CALN1: variants seen among roughly 807,000 people sequenced by gnomAD.
The protein encoded by CALN1 is calcium-binding protein 8.
Under a neutral mutation model 30.6 loss-of-function variants are expected in CALN1, and 17 were observed. That is an observed-to-expected ratio of 0.56 (90% CI 0.38 to 0.83). The LOEUF (loss-of-function observed/expected upper bound fraction) is 0.83. Ranked by LOEUF, CALN1 falls within the 40% of genes least tolerant of loss-of-function variation. The probability of loss-of-function intolerance (pLI) is 0.00; values close to 1 mark genes in which losing one functional copy is unlikely to be tolerated. For missense variants in CALN1, 291 were observed against 354.9 expected, an observed-to-expected ratio of 0.82 and a Z score of 1.45; for synonymous variants, 156 against 131.4, an observed-to-expected ratio of 1.19 and a Z score of -1.28.
chr7:72,377,435 T>TTGTGTGTGTGTGTG, intron 2 of CALN1, among the ~76,000 whole-genome samples: 1 of 80,940 alleles, frequency 1.2e-5, no homozygotes, highest in Non-Finnish European at 2.7e-5. Context: ...GGCCACACTT[T>TTGTGTGTGTGTGTG]CGTGTGTGTG....
At chr7:72,190,388 T>C (rs549195334) in intron 3 of CALN1, among the ~76,000 whole-genome samples, 1 of 152,302 alleles carries the variant, frequency 6.6e-6, no homozygotes, top group African/African-American at 2.4e-5. Context: ...CTCTGCTGCA[T>C]GAACACTGAG....
At chr7:72,233,698 C>A (rs1203680161) in intron 3 of CALN1, among the ~76,000 whole-genome samples, 1 of 151,744 alleles carries the variant, frequency 6.6e-6, no homozygotes, top group Non-Finnish European at 1.5e-5. Flanking sequence ...CAGAGCAAGG[C>A]CCTTTCTTTT....
intron 4 of CALN1, among the ~76,000 whole-genome samples, chr7:72,089,384 A>G (rs1805701579): frequency 6.6e-6 from 1 of 152,170 alleles, no homozygotes; most frequent in Non-Finnish European, 1.5e-5. Context: ...ATAACTTCAT[A>G]CTAGGTACAC....
rs1208951399 is a variant in CALN1, at chr7:72,412,133, T to A, written c.-149A>T. On this transcript the variant is annotated 5_prime_UTR_variant, in exon 1 of 7. Coordinates refer to ENST00000395275, the MANE Select transcript of CALN1 (RefSeq NM_031468.4). ...AAGAATAAAACCACGGACCTCGCGG[T>A]GAGTGTTACAGCTCTTAAAGATGGC... 2 of 152,678 alleles carry A rather than the reference T, an allele frequency of 1.3e-5. No individual in the cohort carries two copies. The highest frequency in any genetic ancestry group is 1.9e-4 in the East Asian group (1 of 5,190). The allele number at this position is 152,678 out of a possible 1,614,324, so 9.5% of individuals were successfully genotyped here.
intron 3 of CALN1, among the ~76,000 whole-genome samples, chr7:72,123,691 C>A (rs1808549170): frequency 6.6e-6 from 1 of 152,126 alleles, no homozygotes; most frequent in Non-Finnish European, 1.5e-5. Flanking sequence ...CCCATTTGTT[C>A]TCTGCTGCAT....
chr7:71,923,237 C>T (rs1161545388), intron 5 of CALN1, among the ~76,000 whole-genome samples: 1 of 152,176 alleles, frequency 6.6e-6, no homozygotes, highest in Non-Finnish European at 1.5e-5. Context: ...TTCTTTCTGA[C>T]AGAAAAAGCC....
intron 5 of CALN1, among the ~76,000 whole-genome samples, chr7:71,950,181 C>T (rs1353596940): frequency 6.6e-6 from 1 of 152,138 alleles, no homozygotes; most frequent in Non-Finnish European, 1.5e-5. Flanking sequence ...CCTGGTAACA[C>T]CTGGAGAGTG....
At chr7:72,293,235 T>G (rs1215694905) in intron 2 of CALN1, among the ~76,000 whole-genome samples, 1 of 152,140 alleles carries the variant, frequency 6.6e-6, no homozygotes, top group African/African-American at 2.4e-5. Context: ...CAGCAACGTA[T>G]TCCCACCCCT....
At chr7:72,399,612 A>G (rs1806203451) in intron 2 of CALN1, among the ~76,000 whole-genome samples, 1 of 152,068 alleles carries the variant, frequency 6.6e-6, no homozygotes, top group Non-Finnish European at 1.5e-5. Flanking sequence ...CACTAATTTG[A>G]GTCTTGTAGG....
At chr7:72,016,564 G>A (rs1358061874) in intron 5 of CALN1, among the ~76,000 whole-genome samples, 1 of 151,858 alleles carries the variant, frequency 6.6e-6, no homozygotes, top group East Asian at 2.0e-4. Context: ...AGCCTCCCGA[G>A]TAGCTGGAAC....
At chr7:71,834,726 C>T (rs1256435952) in intron 5 of CALN1, among the ~76,000 whole-genome samples, 4 of 152,140 alleles carry the variant, frequency 2.6e-5, no homozygotes, top group Admixed American at 2.6e-4. Context: ...AAGGTTAGGC[C>T]CGGGGCCCTC....
rs571445367 is a variant in CALN1, at chr7:72,273,262, A to C, written c.244+5424T>G. Among the ~76,000 whole-genome samples the C allele has an allele frequency of 8.9e-4, 136 of 152,010 alleles. 3 individuals are homozygous for C. In the South Asian group the frequency reaches 0.028, roughly 31 times the overall value. Reference sequence around the variant, plus strand: ...GCCTCGACTACCCTGTCTCTACTAAAATTACAAAAATTCGCCAGGCGTGGT... The same window carrying C: ...GCCTCGACTACCCTGTCTCTACTAACATTACAAAAATTCGCCAGGCGTGGT... On this transcript the variant is annotated intron_variant, in intron 3 of 6. Coordinates refer to ENST00000395275, the MANE Select transcript of CALN1 (RefSeq NM_031468.4).
chr7:72,040,180 A>G (rs981710601), intron 4 of CALN1, among the ~76,000 whole-genome samples: 1 of 152,102 alleles, frequency 6.6e-6, no homozygotes, highest in Non-Finnish European at 1.5e-5. Flanking sequence ...AACCTCTTAA[A>G]AAGTGTTATG....
At chr7:72,070,864 G>A (rs1804344630) in intron 4 of CALN1, among the ~76,000 whole-genome samples, 1 of 152,094 alleles carries the variant, frequency 6.6e-6, no homozygotes, top group African/African-American at 2.4e-5. Flanking sequence ...TGGACATTTG[G>A]TTCATGAGGC....
intron 3 of CALN1, among the ~76,000 whole-genome samples, chr7:72,215,722 A>G (rs1376429277): frequency 6.6e-6 from 1 of 152,118 alleles, no homozygotes; most frequent in Non-Finnish European, 1.5e-5. Flanking sequence ...GCCTTCGTAC[A>G]GCAGCTGTGG....
At chr7:72,222,198 T>C (rs1214629450) in intron 3 of CALN1, among the ~76,000 whole-genome samples, 1 of 151,018 alleles carries the variant, frequency 6.6e-6, no homozygotes, top group Admixed American at 6.6e-5. Context: ...TGCGCTCCAG[T>C]CTGGGTAACA....
intron 4 of CALN1, among the ~76,000 whole-genome samples, chr7:72,066,453 G>C (rs1047968736): frequency 2.0e-5 from 3 of 151,980 alleles, no homozygotes; most frequent in Middle Eastern, 3.4e-3. Flanking sequence ...GTGAAATCCA[G>C]ATTCACTCTG....
At chr7:72,501,402 AAG>A in the CALN1 span, among the ~76,000 whole-genome samples, 1 of 141,398 alleles carries the variant, frequency 7.1e-6, no homozygotes, top group African/African-American at 2.6e-5. Context: ...AAAAAAGACA[AAG>A]AAAAAGAGAA....
chr7:71,949,532 TC>T (rs1403905677), intron 5 of CALN1, among the ~76,000 whole-genome samples: 1 of 150,608 alleles, frequency 6.6e-6, no homozygotes. Flanking sequence ...CAGGCATGCA[TC>T]ACTGTGCCTG....
Sources: allele counts gnomAD v4.1 joint callset (sites outside exome capture counted in the v4.1 genomes callset), GRCh38; gene constraint gnomAD v4.1.1; transcripts MANE v1.5; gene names NCBI Gene and HGNC (gene_info 2026-07-23, HGNC 2026-07-21).